Variants in LRRTM3 observed in about 807,000 individuals in gnomAD.
LRRTM3 encodes leucine rich repeat transmembrane neuronal 3.
In LRRTM3, 24 loss-of-function variants were observed where a neutral mutation model predicts 44.7. The observed-to-expected ratio is 0.54, with a 90% CI of 0.39 to 0.76. The LOEUF (loss-of-function observed/expected upper bound fraction) is 0.76. Among genes scored for constraint, LRRTM3 ranks in the 30% least tolerant of loss-of-function variants. LRRTM3 has a pLI of 0.00. For synonymous variants in LRRTM3, 277 were observed against 278.7 expected, an observed-to-expected ratio of 0.99 and a Z score of 0.06; for missense variants, 587 against 702.2, an observed-to-expected ratio of 0.84 and a Z score of 1.85.
intron 2 of LRRTM3, among the ~76,000 whole-genome samples, chr10:67,072,218 T>C (rs921486015): frequency 6.6e-6 from 1 of 152,216 alleles, no homozygotes; most frequent in African/African-American, 2.4e-5. Context: ...CCTCCCAAAG[T>C]GCTGGGATTA....
At chr10:67,054,451 T>C (rs1855301128) in intron 2 of LRRTM3, among the ~76,000 whole-genome samples, 1 of 152,182 alleles carries the variant, frequency 6.6e-6, no homozygotes, top group Admixed American at 6.5e-5. Flanking sequence ...CTTCAATCTC[T>C]GGCCTAATGC....
At chr10:66,956,116 A>C (rs1848779042) in intron 2 of LRRTM3, among the ~76,000 whole-genome samples, 1 of 152,060 alleles carries the variant, frequency 6.6e-6, no homozygotes, top group African/African-American at 2.4e-5. Context: ...CCAAGGAAGA[A>C]GAACCTTTTT....
intron 2 of LRRTM3, among the ~76,000 whole-genome samples, chr10:66,950,271 C>T (rs1001993243): frequency 1.1e-4 from 17 of 151,978 alleles, no homozygotes; most frequent in Non-Finnish European, 2.2e-4. Flanking sequence ...ACTTCTATAG[C>T]CATTAAAATT....
chr10:67,012,075 G>A (rs1479309200), intron 2 of LRRTM3, among the ~76,000 whole-genome samples: 1 of 152,120 alleles, frequency 6.6e-6, no homozygotes, highest in Non-Finnish European at 1.5e-5. Context: ...AAAATCACAA[G>A]CTCCGTAGAT....
chr10:67,093,936 C>A (rs575235874), intron 2 of LRRTM3, among the ~76,000 whole-genome samples: 2 of 151,946 alleles, frequency 1.3e-5, no homozygotes, highest in African/African-American at 4.8e-5. Context: ...CCAAAGAATA[C>A]CTCTTAAGGC....
chr10:67,038,095 T>C (rs2133134453), intron 2 of LRRTM3, among the ~76,000 whole-genome samples: 1 of 152,282 alleles, frequency 6.6e-6, no homozygotes, highest in South Asian at 2.1e-4. Context: ...TTTATTTCGA[T>C]TTAATAGTAC....
At chr10:67,037,233 G>A (rs909567359) in intron 2 of LRRTM3, among the ~76,000 whole-genome samples, 7 of 152,078 alleles carry the variant, frequency 4.6e-5, no homozygotes, top group Non-Finnish European at 7.4e-5. Context: ...GTGTCAGTAA[G>A]CATCAGCAAA....
intron 2 of LRRTM3, among the ~76,000 whole-genome samples, chr10:67,039,911 A>C (rs1854290224): frequency 6.6e-6 from 1 of 152,110 alleles, no homozygotes; most frequent in African/African-American, 2.4e-5. Context: ...ATGTCTTAGA[A>C]GTTTTGGAGA....
At chr10:66,939,030 C>G (rs1037127388) in intron 2 of LRRTM3, among the ~76,000 whole-genome samples, 4 of 152,120 alleles carry the variant, frequency 2.6e-5, no homozygotes, top group Non-Finnish European at 5.9e-5. Context: ...CATTCTGAGG[C>G]CTCTCCTCTC....
chr10:67,021,902 C>A (rs1356535294), intron 2 of LRRTM3, among the ~76,000 whole-genome samples: 1 of 152,134 alleles, frequency 6.6e-6, no homozygotes, highest in Non-Finnish European at 1.5e-5. Context: ...AAGAAGGATG[C>A]AGACTTAGAG....
chr10:66,995,531 T>A (rs1402304271), intron 2 of LRRTM3, among the ~76,000 whole-genome samples: 1 of 152,190 alleles, frequency 6.6e-6, no homozygotes, highest in Non-Finnish European at 1.5e-5. Flanking sequence ...TACCTACCTG[T>A]TTAATACCTT....
intron 2 of LRRTM3, among the ~76,000 whole-genome samples, chr10:67,027,687 C>T (rs1403268871): frequency 6.6e-6 from 1 of 151,832 alleles, no homozygotes; most frequent in Non-Finnish European, 1.5e-5. Flanking sequence ...CACTGGCCTC[C>T]CAAAGTGCTG....
rs140009029 is a variant in LRRTM3, at chr10:66,976,363, T to C, written c.1536+47911T>C. ...AAGGCAGAAAAAGTAGAGAAGAACATTTCAGACAAAGAAAAACATGTCAAA... is the reference window on the plus strand; with the variant it reads ...AAGGCAGAAAAAGTAGAGAAGAACACTTCAGACAAAGAAAAACATGTCAAA... On this transcript the variant is annotated intron_variant, in intron 2 of 2. Coordinates refer to ENST00000361320, the MANE Select transcript of LRRTM3 (RefSeq NM_178011.5). Among the ~76,000 whole-genome samples the C allele has an allele frequency of 3.1e-3, 473 of 152,184 alleles. 2 individuals are homozygous for C. The highest frequency in any genetic ancestry group is 0.011 in the African/African-American group (453 of 41,526).
At chr10:66,966,326 A>T (rs941874912) in intron 2 of LRRTM3, among the ~76,000 whole-genome samples, 2 of 152,148 alleles carry the variant, frequency 1.3e-5, no homozygotes, top group Non-Finnish European at 2.9e-5. Flanking sequence ...TTTTTGATGT[A>T]CAGAATTTTA....
intron 2 of LRRTM3, among the ~76,000 whole-genome samples, chr10:66,982,242 G>T (rs1850484626): frequency 6.6e-6 from 1 of 152,162 alleles, no homozygotes; most frequent in South Asian, 2.1e-4. Flanking sequence ...GATTTTGCTA[G>T]TTAAGCATTT....
intron 2 of LRRTM3, among the ~76,000 whole-genome samples, chr10:67,068,852 G>C (rs1449551181): frequency 2.0e-5 from 3 of 152,180 alleles, no homozygotes; most frequent in Non-Finnish European, 2.9e-5. Flanking sequence ...CTGAGGTCAG[G>C]AGTTCAAGAC....
At chr10:67,033,649 T>G (rs974932962) in intron 2 of LRRTM3, among the ~76,000 whole-genome samples, 1 of 152,234 alleles carries the variant, frequency 6.6e-6, no homozygotes, top group African/African-American at 2.4e-5. Context: ...GTTAGTACTA[T>G]TATTTTCCCC....
At chr10:67,025,576 T>A (rs1412000919) in intron 2 of LRRTM3, among the ~76,000 whole-genome samples, 1 of 152,174 alleles carries the variant, frequency 6.6e-6, no homozygotes, top group Admixed American at 6.5e-5. Context: ...TTACTGAGAA[T>A]AGCTCGGTTT....
chr10:67,061,718 G>A (rs1855767170), intron 2 of LRRTM3, among the ~76,000 whole-genome samples: 1 of 152,188 alleles, frequency 6.6e-6, no homozygotes, highest in Non-Finnish European at 1.5e-5. Context: ...CAGCAGTTGT[G>A]TGCATATTCT....
Sources: allele counts gnomAD v4.1 joint callset (sites outside exome capture counted in the v4.1 genomes callset), GRCh38; gene constraint gnomAD v4.1.1; transcripts MANE v1.5; gene names NCBI Gene and HGNC (gene_info 2026-07-23, HGNC 2026-07-21).